Variants in DCAF13 observed in about 807,000 individuals in gnomAD.
DCAF13 encodes DDB1- and CUL4-associated factor 13.
A neutral mutation model predicts 59.0 loss-of-function variants in DCAF13; 38 were observed. That is an observed-to-expected ratio of 0.64 (90% CI 0.50 to 0.84). The LOEUF is 0.84. Among genes scored for constraint, DCAF13 ranks in the 40% least tolerant of loss-of-function variants. The probability of loss-of-function intolerance (pLI) is 0.00; values close to 1 mark genes in which losing one functional copy is unlikely to be tolerated. For synonymous variants in DCAF13, 173 were observed against 175.0 expected (o/e 0.99, Z 0.09); for missense variants, 469 against 558.4 (o/e 0.84, Z 1.61).
At chr8:103,420,617 C>T (rs1816709980) in intron 2 of DCAF13, 154 bp downstream of exon 2, 3 of 712,948 alleles carry the variant, frequency 4.2e-6, no homozygotes, top group Non-Finnish European at 4.6e-6. Context: ...GTATTTTCTT[C>T]TTTAAACCTA....
At chr8:103,420,023 A>AT (rs1816700641) in intron 1 of DCAF13, among the ~76,000 whole-genome samples, 2 of 151,664 alleles carry the variant, frequency 1.3e-5, no homozygotes, top group African/African-American at 4.8e-5. Context: ...AAAAAAAAAA[A>AT]GGAAATGCTG....
At chr8:103,440,085 C>CAAAG (rs35579301) in intron 8 of DCAF13, 51 bp from the exon 9 acceptor site, 643,670 of 1,451,808 alleles carry the variant, frequency 0.44, 144,675 homozygotes, top group African/African-American at 0.49. Flanking sequence ...AGTGGTTACT[C>CAAAG]AAAATCTGTA....
Position 103,435,837 on chromosome 8 carries a change from A to G in DCAF13, c.950+47A>G, listed in dbSNP as rs367988802. Reference sequence around the variant, plus strand: ...ATTTATATTCATATGTCACTTAACAATGGGGATGCATTCTGAGAAATGAGT... The same window carrying G: ...ATTTATATTCATATGTCACTTAACAGTGGGGATGCATTCTGAGAAATGAGT... On this transcript the variant is annotated intron_variant, in intron 8 of 10. Coordinates refer to ENST00000612750, the MANE Select transcript of DCAF13 (RefSeq NM_015420.7). 14 of 1,574,108 alleles carry G rather than the reference A, an allele frequency of 8.9e-6. No individual in the cohort carries two copies. The African/African-American group carries it at 1.1e-4, about 12-fold the overall frequency.
At chr8:103,416,838 G>C (rs565292301) in intron 1 of DCAF13, among the ~76,000 whole-genome samples, 1 of 152,286 alleles carries the variant, frequency 6.6e-6, no homozygotes, top group South Asian at 2.1e-4. Context: ...CCTACATGAA[G>C]AGATTTAGAA....
rs781549097 is a variant in DCAF13 at position 103,421,000 on chromosome 8, G to A, written c.296G>A (p.Arg99Gln). ...GEVRIWNLTQ[R>Q]NCIRTIQAHE... ...GTTAGAATTTGGAATCTAACTCAGC[G>A]GAATTGTATCCGTACAATACAAGCA... The change falls in exon 3 of 11, where the codon CGG (arginine) becomes CAG (glutamine). Residue 99 changes from arginine (R) to glutamine (Q), a missense_variant. Arg to Gln is a conservative substitution (Grantham distance 43, BLOSUM62 1). Transcript: ENST00000612750. 1.4e-5 allele frequency: 23 copies of A among 1,612,676 alleles called. No homozygotes were observed. In the Admixed American group the frequency reaches 1.5e-4, roughly 11 times the overall value.
intron 10 of DCAF13, 26 bp downstream of exon 10, chr8:103,441,644 T>A (rs1047139373): frequency 6.2e-7 from 1 of 1,603,442 alleles, no homozygotes; most frequent in Non-Finnish European, 8.5e-7. Flanking sequence ...TTTGACTCTA[T>A]TACCCTTTTC....
At chr8:103,425,875 ATG>A (rs1189846551) in intron 3 of DCAF13, among the ~76,000 whole-genome samples, 179 bp from the exon 4 acceptor site, 2 of 152,086 alleles carry the variant, frequency 1.3e-5, no homozygotes, top group African/African-American at 4.8e-5. Context: ...TATGTACTTT[ATG>A]TATTTGTCAC....
chr8:103,421,307 G>A (rs1420562252), intron 3 of DCAF13: 2 of 623,052 alleles, frequency 3.2e-6, no homozygotes, highest in Non-Finnish European at 5.9e-6. Context: ...CACAAAAGTG[G>A]AATTAATGAG....
intron 3 of DCAF13, among the ~76,000 whole-genome samples, chr8:103,422,503 G>T (rs944652537): frequency 1.3e-5 from 2 of 152,298 alleles, no homozygotes; most frequent in Admixed American, 6.5e-5. Context: ...ATCTGTGAAT[G>T]AGCATAGTGT....
At chr8:103,427,493 A>T (rs918789954) in intron 5 of DCAF13, 16 of 472,124 alleles carry the variant, frequency 3.4e-5, no homozygotes, top group African/African-American at 3.2e-4. Flanking sequence ...GCATTTGCCC[A>T]TTGGGGTAAA....
At chr8:103,430,031 TGAA>T (rs1816841533) in intron 5 of DCAF13, 1 of 152,196 alleles carries the variant, frequency 6.6e-6, no homozygotes, top group South Asian at 2.1e-4. Flanking sequence ...AGTCTTAAGT[TGAA>T]GAGTAGGTAA....
rs757088496 is a variant in DCAF13 at position 103,415,453 on chromosome 8, G to A, written c.7G>A (p.Val3Met). The A allele has an allele frequency of 1.2e-6, 2 of 1,614,060 alleles. No homozygotes were observed. The highest frequency in any genetic ancestry group is 1.1e-5 in the South Asian group (1 of 91,068). ...GGCCGGAAGAGCAACCGAGATGAAG[G>A]TGAAGATGCTGAGCCGGAATCCGGA... Reference protein sequence around the residue: MKVKMLSRNPDNY... With the variant: MKMKMLSRNPDNY... The change falls in exon 1 of 11, where the codon GTG becomes ATG. Residue 3 changes from valine to methionine, a missense_variant. By Grantham distance (21) the Val-to-Met change is conservative (BLOSUM62 1). This residue lies in a region of DCAF13 where 355 missense variants were observed against 399.1 expected (regional missense o/e 0.89). Transcript: ENST00000612750.
At chr8:103,416,337 C>T (rs1816612493) in intron 1 of DCAF13, among the ~76,000 whole-genome samples, 1 of 152,206 alleles carries the variant, frequency 6.6e-6, no homozygotes, top group African/African-American at 2.4e-5. Flanking sequence ...CAGTTTGTCA[C>T]AAGGCAGTAA....
At position 103,418,866 on chromosome 8, in the gene DCAF13, ATTTTTTT is replaced by A. The variant is rs1159489554; in HGVS notation, c.71-1369_71-1363del. ...TATATATATATATATATATATATAT[ATTTTTTT>A]TTTTTTTTTTTTTTTTTTTTTTTTT... On this transcript the variant is annotated intron_variant, in intron 1 of 10. Coordinates refer to ENST00000612750, the MANE Select transcript of DCAF13 (RefSeq NM_015420.7). Among the ~76,000 whole-genome samples, 85 of 38,322 alleles carry A rather than the reference ATTTTTTT, an allele frequency of 2.2e-3. 1 individual carries two copies. Among genetic ancestry groups the A allele is most frequent in the East Asian group, 5.6e-3 (8 of 1,418 alleles). The allele number at this position is 38,322 out of a possible 152,430, so 25.1% of individuals were successfully genotyped here.
intron 8 of DCAF13, among the ~76,000 whole-genome samples, chr8:103,439,092 C>T (rs1199279470): frequency 1.3e-5 from 2 of 152,136 alleles, no homozygotes; most frequent in African/African-American, 4.8e-5. Flanking sequence ...ACTGCAAGCT[C>T]CGCCTCCTGG....
Position 103,426,046 on chromosome 8 carries a change from A to G in DCAF13, c.379-10A>G. On this transcript the variant is annotated splice_polypyrimidine_tract_variant and intron_variant, in intron 3 of 10. Transcript: ENST00000612750. ...CCTTACCATCATCATAATAAAACAA[A>G]TATTTCTAGGTTGGTGATGACAAAA... 6.2e-7 allele frequency: 1 copy of G among 1,601,112 alleles called. No homozygotes were observed. Among genetic ancestry groups the G allele is most frequent in the Non-Finnish European group, 8.6e-7 (1 of 1,168,426 alleles).
At chr8:103,421,713 A>T (rs1175821045) in intron 3 of DCAF13, among the ~76,000 whole-genome samples, 2 of 152,226 alleles carry the variant, frequency 1.3e-5, no homozygotes, top group Non-Finnish European at 2.9e-5. Context: ...CATTTTGTGT[A>T]TGTGGAATAA....
rs1047093757 is a variant in DCAF13, at chr8:103,438,489, G to A, written c.951-1647G>A. ...AGGCTAGAGTGCAGTGATGCCACAC[G>A]GCTCACTACAGCCCCTGTCTTCTGG... On this transcript the variant is annotated intron_variant, in intron 8 of 10. Transcript: ENST00000612750. 4.0e-5 allele frequency among the ~76,000 whole-genome samples: 6 copies of A among 148,728 alleles called. No individual in the cohort carries two copies. In the East Asian group the frequency reaches 1.2e-3, roughly 29 times the overall value.
rs185916745 is a variant in DCAF13 at position 103,426,105 on chromosome 8, A to G, written c.428A>G (p.Tyr143Cys). 2.2e-4 allele frequency: 357 copies of G among 1,612,694 alleles called. 2 individuals carry two copies. The East Asian group carries it at 5.9e-3, about 27-fold the overall frequency. Reference sequence around the variant, plus strand: ...CAGTGGAAAATGGATGGGCCAGGCTATGGAGACGAGGAAGAGCCATTACAT... The same window carrying G: ...CAGTGGAAAATGGATGGGCCAGGCTGTGGAGACGAGGAAGAGCCATTACAT... Reference protein sequence around the residue: ...VKQWKMDGPGYGDEEEPLHTI... With the variant: ...VKQWKMDGPGCGDEEEPLHTI... The change falls in exon 4 of 11, where the codon TAT (tyrosine) becomes TGT (cysteine). Residue 143 changes from tyrosine (Y) to cysteine (C), a missense_variant. Physicochemically the swap from Tyr to Cys is radical, Grantham distance 194 (BLOSUM62 -2). This residue lies in a region of DCAF13 where 355 missense variants were observed against 399.1 expected (regional missense o/e 0.89). Coordinates refer to ENST00000612750, the MANE Select transcript of DCAF13 (RefSeq NM_015420.7).
Sources: gnomAD v4.1 joint callset for allele counts (sites outside exome capture counted in the v4.1 genomes callset) on GRCh38, gnomAD v4.1.1 for gene constraint, gnomAD v4.1.1 regional missense constraint, MANE v1.5 for transcripts, NCBI Gene and HGNC (gene_info 2026-07-23, HGNC 2026-07-21) for gene names.